Variants in SYN3 observed in about 807,000 individuals in gnomAD.
The protein encoded by SYN3 is synapsin III.
Under a neutral mutation model 65.8 loss-of-function variants are expected in SYN3, and 35 were observed. That is an observed-to-expected ratio of 0.53 (90% CI 0.41 to 0.70). SYN3 has a LOEUF of 0.70. SYN3 is among the 30% of genes least tolerant of loss of function. SYN3 has a pLI of 0.00. For missense variants in SYN3, 680 were observed against 749.0 expected (o/e 0.91, Z 1.08); for synonymous variants, 270 against 292.9 (o/e 0.92, Z 0.80).
At chr22:32,985,684 G>A (rs143841585) in intron 2 of SYN3, among the ~76,000 whole-genome samples, 9 of 152,164 alleles carry the variant, frequency 5.9e-5, no homozygotes, top group South Asian at 2.1e-4. Flanking sequence ...GAGCCCTGGC[G>A]TCCTTCATGA....
chr22:32,910,642 C>T lies in SYN3; in HGVS notation c.461+20748G>A, dbSNP rs189837945. On this transcript the variant is annotated intron_variant, in intron 4 of 13. Transcript: ENST00000358763. ...CCTTGGACGAGTTATTCGGTTGGTGCAAACGTAATTGCGCTTTTGCCATTG... is the reference window on the plus strand; with the variant it reads ...CCTTGGACGAGTTATTCGGTTGGTGTAAACGTAATTGCGCTTTTGCCATTG... 4.2e-4 allele frequency among the ~76,000 whole-genome samples: 60 copies of T among 142,186 alleles called. No homozygotes were observed. In the East Asian group the frequency reaches 0.01, roughly 24 times the overall value. 93.3% of individuals were successfully genotyped at this position (142,186 alleles called of 152,430 possible). A position where few individuals can be genotyped will look rare whatever the true frequency, so the allele number is the denominator to read the frequency against.
intron 6 of SYN3, among the ~76,000 whole-genome samples, chr22:32,611,233 T>C (rs929048146): frequency 6.6e-6 from 1 of 151,734 alleles, no homozygotes; most frequent in African/African-American, 2.4e-5. Flanking sequence ...CATCCACTGT[T>C]GTATCTTTGG....
intron 2 of SYN3, among the ~76,000 whole-genome samples, chr22:32,988,562 CA>C (rs1163059379): frequency 1.3e-5 from 2 of 152,006 alleles, no homozygotes; most frequent in African/African-American, 4.8e-5. Flanking sequence ...CTCTTGGTCT[CA>C]GGGGGCTTAC....
At chr22:33,007,219 T>C (rs1214825189) in intron 1 of SYN3, among the ~76,000 whole-genome samples, 1 of 152,194 alleles carries the variant, frequency 6.6e-6, no homozygotes, top group Non-Finnish European at 1.5e-5. Context: ...CAGAAACAAT[T>C]TCATGTTCTA....
At chr22:33,000,027 T>A (rs1050277385) in intron 2 of SYN3, among the ~76,000 whole-genome samples, 11 of 152,080 alleles carry the variant, frequency 7.2e-5, no homozygotes, top group African/African-American at 2.4e-4. Context: ...AGAACTGAGT[T>A]TGATATCAAT....
At chr22:32,643,453 C>T (rs2059931991) in intron 6 of SYN3, among the ~76,000 whole-genome samples, 1 of 147,726 alleles carries the variant, frequency 6.8e-6, no homozygotes, top group Non-Finnish European at 1.5e-5. Flanking sequence ...TCTCGCCCCA[C>T]AGGGGTCAAC....
chr22:32,627,290 C>A (rs745788989), intron 6 of SYN3, among the ~76,000 whole-genome samples: 29 of 152,042 alleles, frequency 1.9e-4, no homozygotes, highest in Non-Finnish European at 3.4e-4. Flanking sequence ...CAAGGAGGGG[C>A]CAGAGTCCAT....
At position 32,613,564 on chromosome 22, in the gene SYN3, C is replaced by T. The variant is rs116203739; in HGVS notation, c.712-16828G>A. On this transcript the variant is annotated intron_variant, in intron 6 of 13. Coordinates refer to ENST00000358763, the MANE Select transcript of SYN3 (RefSeq NM_003490.4). ...TTTATTTCCACGTTTATTTGAGTTC[C>T]GTGAGGGCAAGGATAGCATTCATTT... Among the ~76,000 whole-genome samples, 853 of 152,264 alleles carry T rather than the reference C, an allele frequency of 5.6e-3. 6 individuals carry two copies. The highest frequency in any genetic ancestry group is 0.019 in the African/African-American group (789 of 41,546).
chr22:32,545,712 C>T lies in SYN3; in HGVS notation c.775-3999G>A, dbSNP rs2058327864. On this transcript the variant is annotated intron_variant, in intron 7 of 13. Transcript: ENST00000358763. The stretch of plus-strand genomic sequence containing the variant: ...AGTAGCTGGGACTACAGGTGCGTGC[C>T]ACCATGGCTGGCTAATTTTTGTATT... Among the ~76,000 whole-genome samples the T allele has an allele frequency of 2.0e-5, 3 of 152,294 alleles. No individual in the cohort carries two copies. In the South Asian group the frequency reaches 6.2e-4, roughly 32 times the overall value.
rs2059126695 is a variant in SYN3 at position 32,591,455 on chromosome 22, A to G, written c.774+5219T>C. 2.6e-5 allele frequency among the ~76,000 whole-genome samples: 4 copies of G among 152,196 alleles called. No individual in the cohort carries two copies. In the South Asian group the frequency reaches 8.3e-4, roughly 31 times the overall value. ...TTTCTACTTACTTTTCCGTTCTTGT[A>G]CCCCAACAATGTATATGACCAAATT... is the stretch of plus-strand genomic sequence containing the variant. On this transcript the variant is annotated intron_variant, in intron 7 of 13. Transcript: ENST00000358763.
intron 6 of SYN3, among the ~76,000 whole-genome samples, chr22:32,734,977 T>C (rs1426947299): frequency 1.3e-5 from 2 of 152,196 alleles, no homozygotes. Context: ...ATACCTAGAC[T>C]TTTTGGGAGC....
intron 6 of SYN3, among the ~76,000 whole-genome samples, chr22:32,732,053 C>T (rs952298720): frequency 1.3e-5 from 2 of 152,182 alleles, no homozygotes; most frequent in Non-Finnish European, 2.9e-5. Context: ...TTAATGCATG[C>T]TCATTATTAT....
chr22:32,519,451 A>T (rs2057839031), intron 12 of SYN3: 1 of 152,174 alleles, frequency 6.6e-6, no homozygotes. Flanking sequence ...TGACCTAGAG[A>T]GGTCAGTAGG....
chr22:32,599,605 G>C (rs370413323), intron 6 of SYN3, among the ~76,000 whole-genome samples: 1 of 152,132 alleles, frequency 6.6e-6, no homozygotes, highest in Non-Finnish European at 1.5e-5. Flanking sequence ...ACAGGTGTGA[G>C]CCACTGCGCC....
At chr22:32,630,128 C>T (rs528770225) in intron 6 of SYN3, among the ~76,000 whole-genome samples, 344 of 151,754 alleles carry the variant, frequency 2.3e-3, no homozygotes, top group Non-Finnish European at 3.9e-3. Context: ...GGACTACCGG[C>T]GCCCACCACC....
intron 3 of SYN3, among the ~76,000 whole-genome samples, chr22:32,936,626 C>T (rs1487518442): frequency 6.6e-6 from 1 of 152,170 alleles, no homozygotes; most frequent in Non-Finnish European, 1.5e-5. Flanking sequence ...GAAACAATCT[C>T]CAGAATCCAC....
chr22:32,600,288 A>G (rs923002906), intron 6 of SYN3, among the ~76,000 whole-genome samples: 1 of 152,200 alleles, frequency 6.6e-6, no homozygotes. Flanking sequence ...AATTCACGAC[A>G]GGGTTAGTAC....
At position 32,510,749 on chromosome 22, in the gene SYN3, G is replaced by T. The variant is rs114486316; in HGVS notation, c.*2943C>A. On this transcript the variant is annotated 3_prime_UTR_variant, in exon 14 of 14. Transcript: ENST00000358763. ...AGTGCCCCAGATCCTTCTAATGGGG[G>T]AACCTCACCTGCCCTTGTCAGGAAA... Among the ~76,000 whole-genome samples the T allele has an allele frequency of 0.015, 2,248 of 152,176 alleles. 44 individuals carry two copies. Among genetic ancestry groups the T allele is most frequent in the African/African-American group, 0.05 (2,085 of 41,508 alleles).
intron 6 of SYN3, among the ~76,000 whole-genome samples, chr22:32,726,955 T>C (rs943690802): frequency 2.7e-5 from 4 of 149,602 alleles, no homozygotes; most frequent in Middle Eastern, 3.4e-3. Context: ...AATGCTTGCA[T>C]TGAAACTGGA....
Sources: allele counts gnomAD v4.1 joint callset (sites outside exome capture counted in the v4.1 genomes callset), GRCh38; gene constraint gnomAD v4.1.1; transcripts MANE v1.5; gene names NCBI Gene and HGNC (gene_info 2026-07-23, HGNC 2026-07-21).